MIPOL1: variants seen among roughly 807,000 people sequenced by gnomAD.
MIPOL1 encodes the protein mirror-image polydactyly 1.
A neutral mutation model predicts 60.9 loss-of-function variants in MIPOL1; 57 were observed. The ratio of observed to expected loss-of-function variants is 0.94; its 90% CI spans 0.76 to 1.17. MIPOL1 has a LOEUF of 1.17. MIPOL1 is among the 50% of genes most tolerant of loss of function. The pLI is 0.00. For missense variants in MIPOL1, 551 were observed against 511.6 expected (o/e 1.08, Z -0.74); for synonymous variants, 179 against 168.8 (o/e 1.06, Z -0.47).
intron 9 of MIPOL1, among the ~76,000 whole-genome samples, chr14:37,329,015 G>T (rs992321574): frequency 6.6e-6 from 1 of 152,122 alleles, no homozygotes; most frequent in Non-Finnish European, 1.5e-5. Flanking sequence ...GAGCGGGCAG[G>T]TAAGGGAAAG....
intron 10 of MIPOL1, among the ~76,000 whole-genome samples, chr14:37,416,662 G>A (rs2093775449): frequency 6.6e-6 from 1 of 152,112 alleles, no homozygotes; most frequent in African/African-American, 2.4e-5. Context: ...ATTTTGTTGG[G>A]AAGGAAAATT....
At chr14:37,222,535 CCATAAAGCCTTTTGGGCATGGA>C (rs1374197029) in intron 1 of MIPOL1, among the ~76,000 whole-genome samples, 48 of 152,136 alleles carry the variant, frequency 3.2e-4, no homozygotes, top group African/African-American at 1.2e-3. Context: ...ATTCTGCCTT[CCATAAAGCCTTTTGGGCATGGA>C]CATAATTAAA....
chr14:37,404,159 A>T (rs2093544867), intron 10 of MIPOL1, among the ~76,000 whole-genome samples: 1 of 152,214 alleles, frequency 6.6e-6, no homozygotes, highest in South Asian at 2.1e-4. Flanking sequence ...ATTATATTTC[A>T]GAAAGTGGTG....
chr14:37,343,281 G>A (rs10140854), intron 9 of MIPOL1, among the ~76,000 whole-genome samples: 1 of 152,056 alleles, frequency 6.6e-6, no homozygotes. Flanking sequence ...AACAAGTTAC[G>A]TTTTCAAGTT....
intron 10 of MIPOL1, among the ~76,000 whole-genome samples, chr14:37,371,072 A>G (rs932279017): frequency 2.0e-5 from 3 of 152,074 alleles, no homozygotes; most frequent in African/African-American, 7.2e-5. Flanking sequence ...TGTTTAATTT[A>G]ATGAAATGAT....
intron 9 of MIPOL1, among the ~76,000 whole-genome samples, chr14:37,311,546 T>A (rs1321979474): frequency 6.6e-6 from 1 of 152,216 alleles, no homozygotes; most frequent in Non-Finnish European, 1.5e-5. Flanking sequence ...CAATAAATAC[T>A]CATTTTAATT....
chr14:37,508,432 T>C (rs1262140845), intron 12 of MIPOL1, among the ~76,000 whole-genome samples: 1 of 152,192 alleles, frequency 6.6e-6, no homozygotes, highest in East Asian at 1.9e-4. Flanking sequence ...AGTAATTTTC[T>C]AACTACTAAA....
intron 9 of MIPOL1, among the ~76,000 whole-genome samples, chr14:37,336,299 T>A (rs921015047): frequency 3.3e-5 from 5 of 151,232 alleles, no homozygotes; most frequent in African/African-American, 9.7e-5. Flanking sequence ...AATATCACAC[T>A]GTTTTAATTA....
chr14:37,362,676 TCTC>T (rs2092316725), intron 9 of MIPOL1, among the ~76,000 whole-genome samples: 1 of 152,190 alleles, frequency 6.6e-6, no homozygotes, highest in African/African-American at 2.4e-5. Context: ...TTGGGGAAGT[TCTC>T]CTGGATAATA....
At chr14:37,478,107 G>A (rs150661780) in intron 11 of MIPOL1, among the ~76,000 whole-genome samples, 4 of 152,328 alleles carry the variant, frequency 2.6e-5, no homozygotes, top group African/African-American at 9.6e-5. Flanking sequence ...GTGCTAGAAT[G>A]ACTACCATAT....
intron 1 of MIPOL1, among the ~76,000 whole-genome samples, chr14:37,212,841 T>G (rs896042610): frequency 2.6e-5 from 4 of 152,156 alleles, no homozygotes; most frequent in Non-Finnish European, 4.4e-5. Context: ...TTATGTCACT[T>G]TACCCCCAGA....
At chr14:37,541,642 C>A (rs2095530160) in intron 12 of MIPOL1, among the ~76,000 whole-genome samples, 1 of 152,180 alleles carries the variant, frequency 6.6e-6, no homozygotes, top group African/African-American at 2.4e-5. Flanking sequence ...TTTCCTCACT[C>A]TATGCTTTCA....
rs757235582 is a variant in MIPOL1, at chr14:37,500,094, A to G, written c.1218A>G (p.Gln406=). The G allele has an allele frequency of 1.4e-5, 23 of 1,613,680 alleles. No homozygotes were observed. Among genetic ancestry groups the G allele is most frequent in the South Asian group, 3.3e-5 (3 of 91,068 alleles). Residue 406 remains glutamine, a synonymous_variant, in exon 12 of 13, where the codon CAA becomes CAG. Transcript: ENST00000684589. Reference sequence around the variant, plus strand: ...GAGCAAATATGGAATTACAACTTCAACATGCCAGAGAGGCCTCCCAAGTGG... The same window carrying G: ...GAGCAAATATGGAATTACAACTTCAGCATGCCAGAGAGGCCTCCCAAGTGG... ...TERANMELQL[Q]HAREASQVAN...
chr14:37,293,069 A>G (rs2085255034), intron 7 of MIPOL1, among the ~76,000 whole-genome samples: 1 of 152,144 alleles, frequency 6.6e-6, no homozygotes, highest in Non-Finnish European at 1.5e-5. Flanking sequence ...GTATTGTAGT[A>G]AAACATAGCC....
chr14:37,353,552 G>T (rs965168127), intron 9 of MIPOL1, among the ~76,000 whole-genome samples: 24 of 151,990 alleles, frequency 1.6e-4, no homozygotes, highest in Non-Finnish European at 2.8e-4. Context: ...CTTTTTAGTT[G>T]GTAAGCTATT....
At chr14:37,495,038 A>C (rs1478784212) in intron 11 of MIPOL1, among the ~76,000 whole-genome samples, 1 of 152,082 alleles carries the variant, frequency 6.6e-6, no homozygotes, top group Non-Finnish European at 1.5e-5. Flanking sequence ...AGGAAATTAA[A>C]TCAGGATGCT....
chr14:37,332,407 C>G (rs2089772001), intron 9 of MIPOL1, among the ~76,000 whole-genome samples: 1 of 152,168 alleles, frequency 6.6e-6, no homozygotes, highest in Non-Finnish European at 1.5e-5. Context: ...TGAGATTAAT[C>G]TCACTTGATC....
chr14:37,354,257 C>T (rs2153476073), intron 9 of MIPOL1, among the ~76,000 whole-genome samples: 1 of 150,942 alleles, frequency 6.6e-6, no homozygotes, highest in East Asian at 2.0e-4. Context: ...TTTGATTGCA[C>T]TGTGGTCTGA....
At chr14:37,345,555 C>G (rs990258046) in intron 9 of MIPOL1, among the ~76,000 whole-genome samples, 2 of 152,130 alleles carry the variant, frequency 1.3e-5, no homozygotes, top group African/African-American at 4.8e-5. Context: ...TTTTCTAAGT[C>G]TCTTCAATAG....
Sources: gnomAD v4.1 joint callset for allele counts (sites outside exome capture counted in the v4.1 genomes callset) on GRCh38, gnomAD v4.1.1 for gene constraint, MANE v1.5 for transcripts, NCBI Gene and HGNC (gene_info 2026-07-23, HGNC 2026-07-21) for gene names.